CDH13: variants seen among roughly 807,000 people sequenced by gnomAD.
The protein encoded by CDH13 is cadherin 13.
In CDH13, 24 loss-of-function variants were observed where a neutral mutation model predicts 63.8. That is an observed-to-expected ratio of 0.38 (90% CI 0.27 to 0.53). The LOEUF (loss-of-function observed/expected upper bound fraction) is 0.53, where lower values mean the gene tolerates loss of function less well. Among genes scored for constraint, CDH13 ranks in the 20% least tolerant of loss-of-function variants. The pLI, the probability that CDH13 is intolerant of heterozygous loss-of-function variation, is 0.85. For synonymous variants in CDH13, 503 were observed against 355.3 expected, an observed-to-expected ratio of 1.42 and a Z score of -4.67; for missense variants, 1,049 against 903.1, an observed-to-expected ratio of 1.16 and a Z score of -2.07.
At chr16:83,589,284 C>A (rs1250717096) in intron 7 of CDH13, among the ~76,000 whole-genome samples, 1 of 128,182 alleles carries the variant, frequency 7.8e-6, no homozygotes, top group Non-Finnish European at 1.7e-5. Flanking sequence ...CCTTTCCCCC[C>A]CCCGGACCCC....
intron 10 of CDH13, among the ~76,000 whole-genome samples, chr16:83,711,732 G>C (rs752456726): frequency 6.6e-6 from 1 of 152,116 alleles, no homozygotes; most frequent in Non-Finnish European, 1.5e-5. Flanking sequence ...GGCCAGGCTG[G>C]TCTCGAACTC....
At chr16:83,085,703 A>C (rs1360039999) in intron 3 of CDH13, among the ~76,000 whole-genome samples, 1 of 152,216 alleles carries the variant, frequency 6.6e-6, no homozygotes, top group East Asian at 1.9e-4. Flanking sequence ...AGAGAAATAA[A>C]TGTTAGGGAG....
intron 2 of CDH13, chr16:82,858,709 C>G (rs1049057116): frequency 2.3e-5 from 14 of 596,154 alleles, no homozygotes; most frequent in African/African-American, 2.0e-4. Context: ...TATCTCCATA[C>G]TGCTGTCAGA....
At chr16:83,574,339 G>T (rs952065291) in intron 7 of CDH13, among the ~76,000 whole-genome samples, 3 of 152,248 alleles carry the variant, frequency 2.0e-5, no homozygotes, top group Non-Finnish European at 4.4e-5. Flanking sequence ...CTCAAGGTCG[G>T]CCTGATTATT....
chr16:82,899,869 C>T (rs1462950698), intron 2 of CDH13, among the ~76,000 whole-genome samples: 1 of 152,076 alleles, frequency 6.6e-6, no homozygotes, highest in East Asian at 1.9e-4. Flanking sequence ...CATAATAGGC[C>T]CATGATTTCC....
rs76611904 is a variant in CDH13 at position 82,755,143 on chromosome 16, A to C, written c.46-103219A>C. The stretch of plus-strand genomic sequence containing the variant: ...ATATATGCAGTGTTCTCTTTGTCCA[A>C]ATCCAGCTGGTCATCTAGGGACTGT... On this transcript the variant is annotated intron_variant, in intron 1 of 13. Coordinates refer to ENST00000567109, the MANE Select transcript of CDH13 (RefSeq NM_001257.5). Among the ~76,000 whole-genome samples, 616 of 152,262 alleles carry C rather than the reference A, an allele frequency of 4.0e-3. 1 individual carries two copies. Among genetic ancestry groups the C allele is most frequent in the Non-Finnish European group, 6.5e-3 (441 of 68,020 alleles).
intron 2 of CDH13, among the ~76,000 whole-genome samples, chr16:83,017,009 G>C (rs1416555768): frequency 1.3e-5 from 2 of 152,136 alleles, no homozygotes; most frequent in Non-Finnish European, 1.5e-5. Context: ...TGATCCGTAG[G>C]AACTTCAAAT....
chr16:82,786,210 G>T (rs751468024), intron 1 of CDH13, among the ~76,000 whole-genome samples: 1 of 152,162 alleles, frequency 6.6e-6, no homozygotes, highest in African/African-American at 2.4e-5. Flanking sequence ...AGAAGGCAAA[G>T]AATTGCACAT....
At chr16:83,189,385 T>G (rs925050983) in intron 4 of CDH13, among the ~76,000 whole-genome samples, 4 of 152,210 alleles carry the variant, frequency 2.6e-5, no homozygotes, top group Admixed American at 2.6e-4. Flanking sequence ...TACCTCCTCA[T>G]GCTATTCTCA....
intron 8 of CDH13, among the ~76,000 whole-genome samples, chr16:83,648,080 G>A (rs1395397426): frequency 6.6e-6 from 1 of 152,012 alleles, no homozygotes; most frequent in African/African-American, 2.4e-5. Context: ...ATTCCCTCAA[G>A]GTGTGTTTGA....
intron 1 of CDH13, among the ~76,000 whole-genome samples, chr16:82,716,411 C>G (rs775832998): frequency 6.6e-6 from 1 of 151,764 alleles, no homozygotes; most frequent in Non-Finnish European, 1.5e-5. Context: ...ATTCATCTCT[C>G]CCAATTGCCT....
chr16:82,664,149 T>C (rs1912310436), intron 1 of CDH13, among the ~76,000 whole-genome samples: 1 of 152,252 alleles, frequency 6.6e-6, no homozygotes, highest in African/African-American at 2.4e-5. Context: ...GCTCAGCACA[T>C]AGTAAGCGCT....
intron 3 of CDH13, among the ~76,000 whole-genome samples, chr16:83,065,047 C>T (rs1418766985): frequency 6.6e-6 from 1 of 152,076 alleles, no homozygotes; most frequent in Non-Finnish European, 1.5e-5. Context: ...CACCATCCTA[C>T]TGCTTCTAGG....
intron 4 of CDH13, among the ~76,000 whole-genome samples, chr16:83,194,360 T>C (rs74550381): frequency 0.061 from 9,305 of 152,226 alleles, 468 homozygotes; most frequent in African/African-American, 0.14. Flanking sequence ...AAAAGCAAAA[T>C]GACTGACTAC....
chr16:83,458,613 A>G (rs972251033), intron 6 of CDH13, among the ~76,000 whole-genome samples: 1 of 152,190 alleles, frequency 6.6e-6, no homozygotes, highest in Non-Finnish European at 1.5e-5. Context: ...TTTCATAGCT[A>G]TGGTAGCCTT....
chr16:83,205,296 A>G (rs568850026), intron 4 of CDH13, among the ~76,000 whole-genome samples: 1 of 152,334 alleles, frequency 6.6e-6, no homozygotes, highest in South Asian at 2.1e-4. Context: ...ATACCTAGTT[A>G]TTCACTGGGA....
intron 4 of CDH13, among the ~76,000 whole-genome samples, chr16:83,142,301 C>CA (rs1227561252): frequency 6.6e-6 from 1 of 151,832 alleles, no homozygotes; most frequent in Non-Finnish European, 1.5e-5. Context: ...GCTGGAACTA[C>CA]AGGTGTGTGC....
intron 2 of CDH13, among the ~76,000 whole-genome samples, chr16:82,942,240 T>C (rs1409734410): frequency 6.6e-6 from 1 of 152,288 alleles, no homozygotes; most frequent in Admixed American, 6.5e-5. Context: ...AGATGTATGA[T>C]TTTTCCAGTT....
chr16:83,580,897 G>A (rs974538647), intron 7 of CDH13, among the ~76,000 whole-genome samples: 4 of 152,194 alleles, frequency 2.6e-5, no homozygotes, highest in Non-Finnish European at 5.9e-5. Context: ...ACGGCCAAAT[G>A]TTTGGTTGGT....
Sources: allele counts gnomAD v4.1 joint callset (sites outside exome capture counted in the v4.1 genomes callset), GRCh38; gene constraint gnomAD v4.1.1; transcripts MANE v1.5; gene names NCBI Gene and HGNC (gene_info 2026-07-23, HGNC 2026-07-21).